The following XKR4 variants were observed in gnomAD, a reference collection of about 807,000 sequenced individuals.
The protein encoded by XKR4 is XK-related protein 4.
In XKR4, 12 loss-of-function variants were observed where a neutral mutation model predicts 53.9. The ratio of observed to expected loss-of-function variants is 0.22; its 90% CI spans 0.14 to 0.36. The LOEUF (loss-of-function observed/expected upper bound fraction) is 0.36, where lower values mean the gene tolerates loss of function less well. XKR4 is among the 10% of genes least tolerant of loss of function. XKR4 has a pLI of 1.00. For synonymous variants in XKR4, 354 were observed against 362.4 expected (o/e 0.98, Z 0.26); for missense variants, 799 against 859.5 (o/e 0.93, Z 0.88).
intron 2 of XKR4, among the ~76,000 whole-genome samples, chr8:55,511,498 C>A: frequency 6.6e-6 from 1 of 152,148 alleles, no homozygotes; most frequent in African/African-American, 2.4e-5. Flanking sequence ...TTTTCAGCAT[C>A]GGGAGGAACC....
chr8:55,164,029 C>G, intron 1 of XKR4: 1 of 339,046 alleles, frequency 2.9e-6, no homozygotes, highest in South Asian at 2.3e-5. Context: ...CACACACATC[C>G]CTCGCACACA....
chr8:55,340,200 A>G (rs1803522526), intron 1 of XKR4, among the ~76,000 whole-genome samples: 1 of 152,228 alleles, frequency 6.6e-6, no homozygotes, highest in Non-Finnish European at 1.5e-5. Flanking sequence ...GAAATGGTTT[A>G]AAGTCCTTTA....
chr8:55,465,255 A>G (rs1477531262), intron 2 of XKR4, among the ~76,000 whole-genome samples: 3 of 152,178 alleles, frequency 2.0e-5, no homozygotes, highest in Non-Finnish European at 4.4e-5. Context: ...GGCTACAGTA[A>G]CCAAAACAGC....
chr8:55,274,095 T>G (rs1164450212), intron 1 of XKR4, among the ~76,000 whole-genome samples: 1 of 152,218 alleles, frequency 6.6e-6, no homozygotes, highest in Non-Finnish European at 1.5e-5. Flanking sequence ...ATTGAGCAAG[T>G]TCAGGACCTG....
At position 55,531,397 on chromosome 8, in the gene XKR4, A is replaced by G. The variant is rs889192524; in HGVS notation, c.*7170A>G. ...ATTATTGTCTTATGGGATCGCTGTC[A>G]TATGTGCAGTCTATTATTGACCAAA... On this transcript the variant is annotated 3_prime_UTR_variant, in exon 3 of 3. Transcript: ENST00000327381. The G allele has an allele frequency of 6.6e-6, 1 of 152,098 alleles. No homozygotes were observed. Among genetic ancestry groups the G allele is most frequent in the Non-Finnish European group, 1.5e-5 (1 of 67,960 alleles). The allele number at this position is 152,098 out of a possible 1,614,324, so 9.4% of individuals were successfully genotyped here.
At chr8:55,497,093 A>G (rs1806363182) in intron 2 of XKR4, among the ~76,000 whole-genome samples, 1 of 152,176 alleles carries the variant, frequency 6.6e-6, no homozygotes. Flanking sequence ...CGTCCATGAA[A>G]ATGTCTCTTC....
At chr8:55,382,958 AT>A (rs2129387713) in intron 2 of XKR4, among the ~76,000 whole-genome samples, 1 of 152,258 alleles carries the variant, frequency 6.6e-6, no homozygotes, top group South Asian at 2.1e-4. Context: ...GCGTGGTGTA[AT>A]CCCAGCACTT....
At chr8:55,496,118 G>A (rs138453589) in intron 2 of XKR4, among the ~76,000 whole-genome samples, 84 of 152,304 alleles carry the variant, frequency 5.5e-4, no homozygotes, top group African/African-American at 1.8e-3. Flanking sequence ...GTGGGACACC[G>A]TAGGCATTTG....
chr8:55,221,217 G>A (rs934539808), intron 1 of XKR4, among the ~76,000 whole-genome samples: 1 of 152,114 alleles, frequency 6.6e-6, no homozygotes, highest in African/African-American at 2.4e-5. Context: ...GTCAACCTAT[G>A]GATAAAACAA....
intron 2 of XKR4, among the ~76,000 whole-genome samples, chr8:55,416,320 C>G (rs73591638): frequency 6.6e-6 from 1 of 152,140 alleles, no homozygotes; most frequent in Non-Finnish European, 1.5e-5. Context: ...ATAGAAGAAA[C>G]GTCTGGATTA....
chr8:55,275,953 C>T (rs1020082574), intron 1 of XKR4, among the ~76,000 whole-genome samples: 7 of 152,162 alleles, frequency 4.6e-5, no homozygotes, highest in African/African-American at 1.7e-4. Flanking sequence ...TTTTCTTCTC[C>T]GCCCTGTTGT....
chr8:55,315,614 A>G (rs1474765882), intron 1 of XKR4, among the ~76,000 whole-genome samples: 1 of 152,194 alleles, frequency 6.6e-6, no homozygotes, highest in Non-Finnish European at 1.5e-5. Context: ...AACTATGATC[A>G]TGCCATTGTA....
intron 2 of XKR4, among the ~76,000 whole-genome samples, chr8:55,365,081 A>G (rs73589731): frequency 0.017 from 2,622 of 152,350 alleles, 83 homozygotes; most frequent in African/African-American, 0.059. Context: ...ACAGCTTTTG[A>G]AAACTTGGGT....
Position 55,526,567 on chromosome 8 carries a change from C to T in XKR4, c.*2340C>T, listed in dbSNP as rs1243114978. The T allele has an allele frequency of 6.6e-6, 1 of 152,190 alleles. No homozygotes were observed. The highest frequency in any genetic ancestry group is 1.5e-5 in the Non-Finnish European group (1 of 68,026). The allele number at this position is 152,190 out of a possible 1,614,324, so 9.4% of individuals were successfully genotyped here. A position where few individuals can be genotyped will look rare whatever the true frequency, so the allele number is the denominator to read the frequency against. On this transcript the variant is annotated 3_prime_UTR_variant, in exon 3 of 3. Transcript: ENST00000327381. ...AAAAACGATTTTGGCAAATTCTTCA[C>T]TTTTGTGCAGAACCTTGAGTTATTA...
At chr8:55,121,918 G>A (rs1440039306) in intron 1 of XKR4, among the ~76,000 whole-genome samples, 2 of 151,936 alleles carry the variant, frequency 1.3e-5, no homozygotes, top group Admixed American at 6.6e-5. Context: ...CCCTGGGGTG[G>A]CAGCCTGATT....
At chr8:55,167,536 A>G (rs1817087039) in intron 1 of XKR4, among the ~76,000 whole-genome samples, 2 of 152,232 alleles carry the variant, frequency 1.3e-5, no homozygotes, top group Non-Finnish European at 2.9e-5. Flanking sequence ...CCACCTGCCA[A>G]CAAGGAATGA....
At chr8:55,184,406 A>C (rs965039127) in intron 1 of XKR4, among the ~76,000 whole-genome samples, 1 of 152,180 alleles carries the variant, frequency 6.6e-6, no homozygotes, top group Non-Finnish European at 1.5e-5. Flanking sequence ...TCTTGTTGCC[A>C]CCATATTACT....
At chr8:55,416,321 G>A (rs776471788) in intron 2 of XKR4, among the ~76,000 whole-genome samples, 10 of 152,172 alleles carry the variant, frequency 6.6e-5, no homozygotes, top group East Asian at 3.8e-4. Flanking sequence ...TAGAAGAAAC[G>A]TCTGGATTAG....
At chr8:55,156,107 GGAGGA>G (rs1816903154) in intron 1 of XKR4, among the ~76,000 whole-genome samples, 1 of 152,058 alleles carries the variant, frequency 6.6e-6, no homozygotes, top group East Asian at 1.9e-4. Context: ...GTGGCCTTTA[GGAGGA>G]GATAGTGTTG....
Sources: gnomAD v4.1 joint callset for allele counts (sites outside exome capture counted in the v4.1 genomes callset) on GRCh38, gnomAD v4.1.1 for gene constraint, MANE v1.5 for transcripts, NCBI Gene and HGNC (gene_info 2026-07-23, HGNC 2026-07-21) for gene names.